GNA14: variants seen among roughly 807,000 people sequenced by gnomAD.
The protein encoded by GNA14 is G protein subunit alpha 14.
GNA14 carries 50 observed loss-of-function variants against 42.0 expected under a neutral mutation model. The ratio of observed to expected loss-of-function variants is 1.19; its 90% CI spans 0.95 to 1.51. The LOEUF is 1.51. Among genes scored for constraint, GNA14 ranks in the 40% most tolerant of loss-of-function variants. The pLI, the probability that GNA14 is intolerant of heterozygous loss-of-function variation, is 0.00. For synonymous variants in GNA14, 173 were observed against 163.1 expected (o/e 1.06, Z -0.46); for missense variants, 473 against 446.2 (o/e 1.06, Z -0.54).
At chr9:77,635,064 G>T (rs1466567253) in intron 1 of GNA14, 1 of 152,262 alleles carries the variant, frequency 6.6e-6, no homozygotes, top group East Asian at 1.9e-4. Flanking sequence ...GGTGGTGTTT[G>T]GTTACCCAAG....
chr9:77,578,585 A>G (rs903613807), intron 1 of GNA14, among the ~76,000 whole-genome samples: 5 of 152,150 alleles, frequency 3.3e-5, no homozygotes, highest in Admixed American at 6.6e-5. Flanking sequence ...GATGAGCACC[A>G]TATGTCTTAA....
At chr9:77,424,899 G>A (rs1417331023) in intron 6 of GNA14, among the ~76,000 whole-genome samples, 1 of 152,130 alleles carries the variant, frequency 6.6e-6, no homozygotes, top group Non-Finnish European at 1.5e-5. Flanking sequence ...AAAGAAGAGT[G>A]CTAAAACATG....
intron 1 of GNA14, among the ~76,000 whole-genome samples, chr9:77,642,381 C>A (rs1824281043): frequency 6.6e-6 from 1 of 152,162 alleles, no homozygotes; most frequent in Non-Finnish European, 1.5e-5. Context: ...ACCACACAAT[C>A]CTCCTTTCTG....
intron 2 of GNA14, among the ~76,000 whole-genome samples, chr9:77,458,908 G>GGT (rs1554689048): frequency 2.0e-5 from 3 of 147,606 alleles, no homozygotes; most frequent in Admixed American, 6.7e-5. Context: ...AGCTGGAGGG[G>GGT]GGGGGGTTGT....
At chr9:77,614,388 T>G (rs1823777730) in intron 1 of GNA14, among the ~76,000 whole-genome samples, 1 of 152,138 alleles carries the variant, frequency 6.6e-6, no homozygotes, top group African/African-American at 2.4e-5. Flanking sequence ...GATCCTCAAG[T>G]TTTTGGGGTA....
chr9:77,525,515 G>T (rs565323894), intron 2 of GNA14, among the ~76,000 whole-genome samples: 139 of 151,812 alleles, frequency 9.2e-4, no homozygotes, highest in Non-Finnish European at 1.3e-3. Flanking sequence ...GGATGGAGAA[G>T]AATCCTGCCC....
intron 1 of GNA14, among the ~76,000 whole-genome samples, chr9:77,536,345 GT>G (rs151254985): frequency 6.6e-6 from 1 of 150,686 alleles, no homozygotes; most frequent in Admixed American, 6.6e-5. Context: ...TTTTTGTTAG[GT>G]TTTTTTTGTG....
chr9:77,532,188 T>A (rs1046010172), intron 1 of GNA14, among the ~76,000 whole-genome samples: 1 of 152,186 alleles, frequency 6.6e-6, no homozygotes, highest in Non-Finnish European at 1.5e-5. Context: ...TCACTCAGTT[T>A]GGAAGTGTCG....
At chr9:77,646,167 G>T (rs1439324982) in intron 1 of GNA14, among the ~76,000 whole-genome samples, 1 of 152,124 alleles carries the variant, frequency 6.6e-6, no homozygotes, top group Non-Finnish European at 1.5e-5. Context: ...TCCTAGGGGG[G>T]CCTCTTGGGC....
intron 1 of GNA14, among the ~76,000 whole-genome samples, chr9:77,596,842 T>G (rs1823474685): frequency 1.3e-5 from 2 of 152,200 alleles, no homozygotes; most frequent in African/African-American, 2.4e-5. Context: ...TGCAACCATT[T>G]GTGTTTTGTC....
At chr9:77,519,474 C>T (rs191822499) in intron 2 of GNA14, among the ~76,000 whole-genome samples, 8 of 152,172 alleles carry the variant, frequency 5.3e-5, no homozygotes, top group Admixed American at 2.6e-4. Context: ...TTGTTTATAT[C>T]GGATTAGTTA....
rs192361675 is a variant in GNA14, at chr9:77,633,307, C to T, written c.124+14363G>A. ...AAATGAGTATCAGTTCACTAGAAGA[C>T]CAGCAGAAAAGAGTGTTGTAGGCAG... On this transcript the variant is annotated intron_variant, in intron 1 of 6. Transcript: ENST00000341700. Among the ~76,000 whole-genome samples, 151 of 152,178 alleles carry T rather than the reference C, an allele frequency of 9.9e-4. 1 individual carries two copies. The highest frequency in any genetic ancestry group is 3.3e-3 in the African/African-American group (136 of 41,488).
chr9:77,437,596 G>A (rs139330125), intron 2 of GNA14, among the ~76,000 whole-genome samples: 3 of 151,000 alleles, frequency 2.0e-5, no homozygotes, highest in African/African-American at 7.3e-5. Context: ...GAAGGGAAGG[G>A]AAGCAAAGCA....
intron 2 of GNA14, among the ~76,000 whole-genome samples, chr9:77,442,623 T>C (rs1457324792): frequency 6.6e-6 from 1 of 152,168 alleles, no homozygotes; most frequent in Non-Finnish European, 1.5e-5. Flanking sequence ...GGCTCTGTGT[T>C]AGGATTCCAT....
At chr9:77,503,837 C>T (rs191209914) in intron 2 of GNA14, among the ~76,000 whole-genome samples, 87 of 151,804 alleles carry the variant, frequency 5.7e-4, no homozygotes, top group African/African-American at 1.9e-3. Flanking sequence ...TCACTAGAAA[C>T]GGGGTTTCAC....
At chr9:77,591,218 T>A (rs776617343) in intron 1 of GNA14, among the ~76,000 whole-genome samples, 2 of 152,208 alleles carry the variant, frequency 1.3e-5, no homozygotes, top group Non-Finnish European at 2.9e-5. Flanking sequence ...TACATAGGCC[T>A]CCCAAAGTGC....
rs368672064 is a variant in GNA14 at position 77,431,462 on chromosome 9, G to C, written c.465-13C>G. The C allele has an allele frequency of 3.5e-5, 56 of 1,588,698 alleles. No homozygotes were observed. The Admixed American group carries it at 8.4e-4, about 24-fold the overall frequency. Reference sequence around the variant, plus strand: ...GTCAGTCAGGTAACTGTATATTAGAGAACGAGGAACTGACTCTCCTTTTAG... The same window carrying C: ...GTCAGTCAGGTAACTGTATATTAGACAACGAGGAACTGACTCTCCTTTTAG... On this transcript the variant is annotated splice_polypyrimidine_tract_variant and intron_variant, in intron 3 of 6. Coordinates refer to ENST00000341700, the MANE Select transcript of GNA14 (RefSeq NM_004297.4).
At chr9:77,551,868 G>A (rs993569040) in intron 1 of GNA14, among the ~76,000 whole-genome samples, 5 of 152,104 alleles carry the variant, frequency 3.3e-5, no homozygotes, top group Admixed American at 6.5e-5. Context: ...GGCCAGGCGC[G>A]GTAGCTCATG....
intron 2 of GNA14, among the ~76,000 whole-genome samples, chr9:77,465,164 AC>A (rs1178626228): frequency 6.6e-6 from 1 of 151,906 alleles, no homozygotes; most frequent in African/African-American, 2.4e-5. Context: ...GCAGCCAGAT[AC>A]TCCCCATTTA....
Sources: gnomAD v4.1 joint callset for allele counts (sites outside exome capture counted in the v4.1 genomes callset) on GRCh38, gnomAD v4.1.1 for gene constraint, MANE v1.5 for transcripts, NCBI Gene and HGNC (gene_info 2026-07-23, HGNC 2026-07-21) for gene names.